RAI14: variants seen among roughly 807,000 people sequenced by gnomAD.
RAI14 encodes retinoic acid induced 14.
Under a neutral mutation model 115.4 loss-of-function variants are expected in RAI14, and 45 were observed. The ratio of observed to expected loss-of-function variants is 0.39; its 90% confidence interval spans 0.31 to 0.50. The LOEUF is 0.50. Ranked by LOEUF, RAI14 falls within the 20% of genes least tolerant of loss-of-function variation. RAI14 has a pLI of 0.85. For missense variants in RAI14, 939 were observed against 1,131.2 expected (o/e 0.83, Z 2.44); for synonymous variants, 371 against 415.4 (o/e 0.89, Z 1.30).
chr5:34,789,490 T>A (rs1040531773), intron 3 of RAI14, among the ~76,000 whole-genome samples: 3 of 152,218 alleles, frequency 2.0e-5, no homozygotes, highest in African/African-American at 7.2e-5. Flanking sequence ...AGTGTGGGCG[T>A]TAGACAAGGC....
At chr5:34,792,235 CTTTTT>C (rs55986330) in intron 3 of RAI14, among the ~76,000 whole-genome samples, 10 of 127,482 alleles carry the variant, frequency 7.8e-5, no homozygotes, top group Admixed American at 1.7e-4. Context: ...TTTCTTTTTT[CTTTTT>C]TTTTTTTTTT....
intron 2 of RAI14, among the ~76,000 whole-genome samples, chr5:34,720,879 C>A (rs1742624962): frequency 6.6e-6 from 1 of 151,950 alleles, no homozygotes; most frequent in African/African-American, 2.4e-5. Context: ...CTTATTAGAG[C>A]TAGTTCTCAC....
At chr5:34,686,760 AC>A in intron 1 of RAI14, 111 bp from the exon 2 acceptor site, 1 of 518,892 alleles carries the variant, frequency 1.9e-6, no homozygotes. Flanking sequence ...TTAACTGACC[AC>A]CTTCCCAACG....
chr5:34,677,161 ATTTTTTTTTT>A (rs747450748), intron 1 of RAI14, among the ~76,000 whole-genome samples: 1 of 83,152 alleles, frequency 1.2e-5, no homozygotes, highest in Non-Finnish European at 2.3e-5. Context: ...TGACATTTCT[ATTTTTTTTTT>A]TTTTTTTTTT....
At chr5:34,805,476 T>G (rs1580321060) in intron 5 of RAI14, among the ~76,000 whole-genome samples, 1 of 152,206 alleles carries the variant, frequency 6.6e-6, no homozygotes, top group African/African-American at 2.4e-5. Flanking sequence ...CCCTCTCCAG[T>G]GGCTACCAAG....
chr5:34,826,442 T>G lies in RAI14; in HGVS notation c.2762T>G (p.Leu921Arg), dbSNP rs1305036691. 1.2e-6 allele frequency: 2 copies of G among 1,613,904 alleles called. No homozygotes were observed. Among genetic ancestry groups the G allele is most frequent in the Non-Finnish European group, 1.7e-6 (2 of 1,179,942 alleles). Residue 921 changes from leucine (L) to arginine (R), a missense_variant, in exon 16 of 18, where the codon CTG becomes CGG. Physicochemically the swap from Leu to Arg is moderately radical, Grantham distance 102. Coordinates refer to ENST00000265109, the MANE Select transcript of RAI14 (RefSeq NM_015577.3). ...SKRQSQQLEA[L>R]QQQVKQLQNQ... ...AGGCAGAGTCAGCAGCTGGAGGCGC[T>G]GCAGCAGCAAGTCAAACAGCTCCAG...
chr5:34,724,659 G>C (rs887315956), intron 2 of RAI14, among the ~76,000 whole-genome samples: 2 of 152,092 alleles, frequency 1.3e-5, no homozygotes, highest in Non-Finnish European at 2.9e-5. Flanking sequence ...TAGGAAAAAA[G>C]GATGCTGCTT....
At chr5:34,757,734 T>C in intron 3 of RAI14, 136 bp downstream of exon 3, 1 of 1,156,324 alleles carries the variant, frequency 8.6e-7, no homozygotes, top group Non-Finnish European at 1.2e-6. Context: ...GAAGATATTT[T>C]AATCTAGTGC....
intron 2 of RAI14, among the ~76,000 whole-genome samples, chr5:34,707,385 T>G: frequency 6.6e-6 from 1 of 152,186 alleles, no homozygotes; most frequent in Non-Finnish European, 1.5e-5. Flanking sequence ...GAGAATCTCT[T>G]GAACCTGGGA....
intron 2 of RAI14, among the ~76,000 whole-genome samples, chr5:34,722,672 C>A (rs1245934620): frequency 6.6e-6 from 1 of 151,768 alleles, no homozygotes; most frequent in Non-Finnish European, 1.5e-5. Context: ...ATGGTGAAAC[C>A]CCGTCTCTAC....
intron 2 of RAI14, chr5:34,688,185 C>T (rs1169006131): frequency 3.2e-6 from 5 of 1,549,344 alleles, no homozygotes; most frequent in African/African-American, 2.7e-5. Flanking sequence ...TCAACCTCAT[C>T]GTCTGCTGGC....
In RAI14 at chr5:34,826,442, T is replaced by C. The variant is rs1305036691; in HGVS notation, c.2762T>C (p.Leu921Pro). 1.2e-6 allele frequency: 2 copies of C among 1,614,022 alleles called. No homozygotes were observed. Among genetic ancestry groups the C allele is most frequent in the Non-Finnish European group, 1.7e-6 (2 of 1,179,934 alleles). The change falls in exon 16 of 18, where the codon CTG becomes CCG. Residue 921 changes from leucine to proline, a missense_variant. Physicochemically the swap from Leu to Pro is moderately conservative, Grantham distance 98. Transcript: ENST00000265109. ...SKRQSQQLEALQQQVKQLQNQ... is the reference protein window; with the variant it reads ...SKRQSQQLEAPQQQVKQLQNQ... ...AGGCAGAGTCAGCAGCTGGAGGCGCTGCAGCAGCAAGTCAAACAGCTCCAG... is the reference window on the plus strand; with the variant it reads ...AGGCAGAGTCAGCAGCTGGAGGCGCCGCAGCAGCAAGTCAAACAGCTCCAG...
At chr5:34,796,302 A>G (rs180845984) in intron 4 of RAI14, among the ~76,000 whole-genome samples, 1 of 151,940 alleles carries the variant, frequency 6.6e-6, no homozygotes, top group African/African-American at 2.4e-5. Context: ...GGAGGCTGAG[A>G]CATGAGAATC....
At chr5:34,828,360 GGATCATTCACACA>G (rs1227622415) in intron 16 of RAI14, among the ~76,000 whole-genome samples, 1 of 152,096 alleles carries the variant, frequency 6.6e-6, no homozygotes, top group Non-Finnish European at 1.5e-5. Context: ...GGTGTTAGAT[GGATCATTCACACA>G]GATATCAAAG....
At chr5:34,810,426 G>A (rs578111714) in intron 7 of RAI14, among the ~76,000 whole-genome samples, 2 of 152,106 alleles carry the variant, frequency 1.3e-5, no homozygotes, top group Non-Finnish European at 2.9e-5. Context: ...TTTCCCAAAG[G>A]GGTTGCAATT....
intron 1 of RAI14, among the ~76,000 whole-genome samples, chr5:34,681,860 T>C (rs58810543): frequency 5.8e-4 from 13 of 22,440 alleles, no homozygotes; most frequent in Admixed American, 1.8e-3. Flanking sequence ...TTCTTTCTTT[T>C]TTTTTTTTTT....
rs1377594122 is a variant in RAI14, at chr5:34,791,749, G to A, written c.168-4190G>A. Among the ~76,000 whole-genome samples, 1 of 152,216 alleles carries A rather than the reference G, an allele frequency of 6.6e-6. No homozygotes were observed. Among genetic ancestry groups the A allele is most frequent in the African/African-American group, 2.4e-5 (1 of 41,454 alleles). On this transcript the variant is annotated intron_variant, in intron 3 of 17. Coordinates refer to ENST00000265109, the MANE Select transcript of RAI14 (RefSeq NM_015577.3). The surrounding 1 kb of genome is among the most constrained non-coding windows in gnomAD (Gnocchi z 5.4). ...GGAATGCCGCCCAGGATTCTAACAA[G>A]AGTGAGAATCTATTTCTACTCTTGA...
chr5:34,778,501 G>T (rs10077036), intron 3 of RAI14, among the ~76,000 whole-genome samples: 9,150 of 152,226 alleles, frequency 0.06, 839 homozygotes, highest in African/African-American at 0.2. Flanking sequence ...TGGAGAATCT[G>T]GTTAGTACCT....
chr5:34,684,016 C>T (rs757988053), intron 1 of RAI14, among the ~76,000 whole-genome samples: 1 of 152,196 alleles, frequency 6.6e-6, no homozygotes, highest in Non-Finnish European at 1.5e-5. Flanking sequence ...CGTGAGCCAC[C>T]GTGCCCGGCC....
Sources: gnomAD v4.1 joint callset for allele counts (sites outside exome capture counted in the v4.1 genomes callset) on GRCh38, gnomAD v4.1.1 for gene constraint, Gnocchi (gnomAD v3.1) non-coding constraint, MANE v1.5 for transcripts, NCBI Gene and HGNC (gene_info 2026-07-23, HGNC 2026-07-21) for gene names.